Variants in JADE2 observed in about 807,000 individuals in gnomAD.
JADE2 encodes E3 ubiquitin-protein ligase Jade-2.
In JADE2, 13 loss-of-function variants were observed where a neutral mutation model predicts 85.7. The ratio of observed to expected loss-of-function variants is 0.15; its 90% CI spans 0.10 to 0.24. JADE2 has a LOEUF of 0.24. JADE2 is among the 10% of genes least tolerant of loss of function. The pLI is 1.00. For missense variants in JADE2, 846 were observed against 1,115.9 expected (o/e 0.76, Z 3.45); for synonymous variants, 440 against 456.1 (o/e 0.96, Z 0.45).
At chr5:134,564,639 C>A in intron 8 of JADE2, 29 bp downstream of exon 8, 1 of 1,432,790 alleles carries the variant, frequency 7.0e-7, no homozygotes, top group Non-Finnish European at 9.5e-7. Context: ...CTCCTGCTGC[C>A]AGGAGCTGGC....
chr5:134,566,707 C>A lies in JADE2; in HGVS notation c.1434+127C>A. 4 of 741,856 alleles carry A rather than the reference C, an allele frequency of 5.4e-6. No individual in the cohort carries two copies. The highest frequency in any genetic ancestry group is 8.6e-6 in the Non-Finnish European group (4 of 465,350). The allele number at this position is 741,856 out of a possible 1,614,324, so 46.0% of individuals were successfully genotyped here. A position where few individuals can be genotyped will look rare whatever the true frequency, so the allele number is the denominator to read the frequency against. The stretch of plus-strand genomic sequence containing the variant: ...AAACTGTGAGCTCTGGTGGACCGGC[C>A]CTGCTGCAGGAGCCTGCCAAGGGGC... On this transcript the variant is annotated intron_variant, in intron 9 of 11. Transcript: ENST00000681547. This position sits in a 1 kb window ranked among gnomAD's most constrained non-coding sequence, Gnocchi z 6.7.
Position 134,540,165 on chromosome 5 carries a change from G to A in JADE2, c.153+2082G>A, listed in dbSNP as rs925856359. Among the ~76,000 whole-genome samples, 8 of 152,186 alleles carry A rather than the reference G, an allele frequency of 5.3e-5. No individual in the cohort carries two copies. In the South Asian group the frequency reaches 6.2e-4, roughly 12 times the overall value. On this transcript the variant is annotated intron_variant, in intron 3 of 11. Coordinates refer to ENST00000681547, the MANE Select transcript of JADE2 (RefSeq NM_001388185.1). ...GAAGCAAAAGGCAGGTGGGGCCTTGGGGAGCCCTGCTGGCTCTTGGTTGTT... is the reference window on the plus strand; with the variant it reads ...GAAGCAAAAGGCAGGTGGGGCCTTGAGGAGCCCTGCTGGCTCTTGGTTGTT...
rs1764745095 is a variant in JADE2 at position 134,582,203 on chromosome 5, A to G, written c.*2886A>G. 1 of 152,282 alleles carries G rather than the reference A, an allele frequency of 6.6e-6. No homozygotes were observed. Among genetic ancestry groups the G allele is most frequent in the African/African-American group, 2.4e-5 (1 of 41,472 alleles). 9.4% of individuals were successfully genotyped at this position (152,282 alleles called of 1,614,324 possible). A position where few individuals can be genotyped will look rare whatever the true frequency, so the allele number is the denominator to read the frequency against. On this transcript the variant is annotated 3_prime_UTR_variant, in exon 12 of 12. Coordinates refer to ENST00000681547, the MANE Select transcript of JADE2 (RefSeq NM_001388185.1). ...TGCAAGAAAAGTATTTTTATGTATC[A>G]TAAATGTATTTTGAAACAAATGAGA...
intron 4 of JADE2, among the ~76,000 whole-genome samples, chr5:134,555,383 C>G (rs12652317): frequency 0.24 from 37,187 of 152,228 alleles, 4,976 homozygotes; most frequent in East Asian, 0.53. Context: ...GCCCTCCTCC[C>G]AGCTGACCTC....
Position 134,559,895 on chromosome 5 carries a change from G to T in JADE2, c.377G>T (p.Gly126Val). The T allele has an allele frequency of 1.2e-6, 2 of 1,613,994 alleles. No homozygotes were observed. The highest frequency in any genetic ancestry group is 2.2e-5 in the East Asian group (1 of 44,862). Reference sequence around the variant, plus strand: ...CCGAGCAGCACCATGCTTGGTGAGGGCTCCCAGCCTGATTGGCCAGGGGGC... The same window carrying T: ...CCGAGCAGCACCATGCTTGGTGAGGTCTCCCAGCCTGATTGGCCAGGGGGC... ...ASPSSTMLGE[G>V]SQPDWPGGSR... The change falls in exon 5 of 12, where the codon GGC becomes GTC. Residue 126 changes from glycine (G) to valine (V), a missense_variant. This residue lies in a region of JADE2 where 78 missense variants were observed against 64.9 expected (regional missense o/e 1.20). Coordinates refer to ENST00000681547, the MANE Select transcript of JADE2 (RefSeq NM_001388185.1).
intron 1 of JADE2, among the ~76,000 whole-genome samples, chr5:134,535,282 G>A (rs1254561802): frequency 6.6e-6 from 1 of 152,136 alleles, no homozygotes; most frequent in Non-Finnish European, 1.5e-5. Context: ...AGTCACCCTG[G>A]GCCTGATGTG....
chr5:134,550,371 A>G (rs1561740270), intron 3 of JADE2, among the ~76,000 whole-genome samples: 1 of 152,136 alleles, frequency 6.6e-6, no homozygotes, highest in East Asian at 1.9e-4. Flanking sequence ...GTGGTTTTGG[A>G]CCTAGATTCA....
At chr5:134,547,884 A>G (rs1428970775) in intron 3 of JADE2, among the ~76,000 whole-genome samples, 3 of 152,224 alleles carry the variant, frequency 2.0e-5, no homozygotes, top group Non-Finnish European at 1.5e-5. Context: ...AAGACATGGC[A>G]AAAAACCAGG....
At chr5:134,565,433 G>C (rs1027525174) in intron 8 of JADE2, among the ~76,000 whole-genome samples, 4 of 152,176 alleles carry the variant, frequency 2.6e-5, no homozygotes, top group Admixed American at 6.5e-5. Flanking sequence ...ACTAAGTCCA[G>C]CCCCTCTTCC....
intron 1 of JADE2, among the ~76,000 whole-genome samples, chr5:134,531,883 CTTTTTTTTTTTTTTT>C (rs1160758941): frequency 1.3e-4 from 5 of 38,484 alleles, no homozygotes; most frequent in East Asian, 2.2e-3. Context: ...CCGTGCCTGG[CTTTTTTTTTTTTTTT>C]TTTTTTTTTT....
In JADE2 at chr5:134,560,850, G is replaced by A. The variant is rs1433505932; in HGVS notation, c.577G>A (p.Gly193Ser). Residue 193 changes from glycine to serine, a missense_variant, in exon 6 of 12, where the codon GGC becomes AGC. Transcript: ENST00000681547. ...GGCCATTGAGACGCAGGAGGGGCTG[G>A]GCATCGAGTACGACGAGGATGTTGT... ...ARAIETQEGL[G>S]IEYDEDVVCD... 1 of 1,614,096 alleles carries A rather than the reference G, an allele frequency of 6.2e-7. No individual in the cohort carries two copies. The highest frequency in any genetic ancestry group is 1.3e-5 in the African/African-American group (1 of 74,932).
rs1764641929 is a variant in JADE2, at chr5:134,580,353, T to G, written c.*1036T>G. On this transcript the variant is annotated 3_prime_UTR_variant, in exon 12 of 12. Coordinates refer to ENST00000681547, the MANE Select transcript of JADE2 (RefSeq NM_001388185.1). ...TCCCGGGGCCCAGGGCGGGCCGGTG[T>G]TGGCCGCTGGGGCTGTTGTAAGTCT... The G allele has an allele frequency of 6.6e-6, 1 of 152,448 alleles. No homozygotes were observed. The highest frequency in any genetic ancestry group is 2.4e-5 in the African/African-American group (1 of 41,370). The allele number at this position is 152,448 out of a possible 1,614,324, so 9.4% of individuals were successfully genotyped here. A position where few individuals can be genotyped will look rare whatever the true frequency, so the allele number is the denominator to read the frequency against.
intron 7 of JADE2, among the ~76,000 whole-genome samples, chr5:134,563,346 G>A (rs964668665): frequency 2.0e-5 from 3 of 151,782 alleles, no homozygotes; most frequent in Non-Finnish European, 4.4e-5. Flanking sequence ...CAGGTGGTAA[G>A]CCTAATGGGA....
At chr5:134,540,673 C>T (rs1463628444) in intron 3 of JADE2, among the ~76,000 whole-genome samples, 3 of 152,154 alleles carry the variant, frequency 2.0e-5, no homozygotes, top group Non-Finnish European at 2.9e-5. Flanking sequence ...ACCTGTCTTT[C>T]GAGAATCCCA....
rs1229372372 is a variant in JADE2 at position 134,551,530 on chromosome 5, T to C, written c.154-522T>C. ...AGGTGTGAGCCACCTTGCCTGGCCC[T>C]TTTTTTTTTTTTTAATTTTTTAATT... is the stretch of plus-strand genomic sequence containing the variant. On this transcript the variant is annotated intron_variant, in intron 3 of 11. Coordinates refer to ENST00000681547, the MANE Select transcript of JADE2 (RefSeq NM_001388185.1). Among the ~76,000 whole-genome samples the C allele has an allele frequency of 6.6e-5, 9 of 136,234 alleles. No individual in the cohort carries two copies. The East Asian group carries it at 1.0e-3, about 15-fold the overall frequency. The allele number at this position is 136,234 out of a possible 152,430, so 89.4% of individuals were successfully genotyped here. A position where few individuals can be genotyped will look rare whatever the true frequency, so the allele number is the denominator to read the frequency against.
At chr5:134,569,778 G>A (rs1763880271) in intron 9 of JADE2, among the ~76,000 whole-genome samples, 1 of 152,140 alleles carries the variant, frequency 6.6e-6, no homozygotes, top group African/African-American at 2.4e-5. Flanking sequence ...CTGGATGGTG[G>A]TCCCTTTGGC....
chr5:134,526,360 G>A, intron 1 of JADE2: 1 of 985,136 alleles, frequency 1.0e-6, no homozygotes, highest in Non-Finnish European at 1.2e-6. Context: ...GCGGGCGGGC[G>A]GGGGCGCGCC....
rs1472837718 is a variant in JADE2 at position 134,582,871 on chromosome 5, A to G, written c.*3554A>G. The G allele has an allele frequency of 6.6e-6, 1 of 152,622 alleles. No homozygotes were observed. The highest frequency in any genetic ancestry group is 1.5e-5 in the Non-Finnish European group (1 of 68,052). 9.5% of individuals were successfully genotyped at this position (152,622 alleles called of 1,614,324 possible). A position where few individuals can be genotyped will look rare whatever the true frequency, so the allele number is the denominator to read the frequency against. ...TATTGAAAATATATTGAAAAGAGCAATTTTAAATTATTTTTGGCTTATGTT... is the reference window on the plus strand; with the variant it reads ...TATTGAAAATATATTGAAAAGAGCAGTTTTAAATTATTTTTGGCTTATGTT... On this transcript the variant is annotated 3_prime_UTR_variant, in exon 12 of 12. Coordinates refer to ENST00000681547, the MANE Select transcript of JADE2 (RefSeq NM_001388185.1).
rs1760777405 is a variant in JADE2 at position 134,525,898 on chromosome 5, C to G, written c.-114C>G. 15 of 985,874 alleles carry G rather than the reference C, an allele frequency of 1.5e-5. No homozygotes were observed. The highest frequency in any genetic ancestry group is 1.8e-5 in the Non-Finnish European group (15 of 830,416). 61.1% of individuals were successfully genotyped at this position (985,874 alleles called of 1,614,324 possible). Reference sequence around the variant, plus strand: ...ACCCCGGATGGATGCGCGCCCCCCGCCCTCCCGCGCCGGCCCCAGGAGCTC... The same window carrying G: ...ACCCCGGATGGATGCGCGCCCCCCGGCCTCCCGCGCCGGCCCCAGGAGCTC... On this transcript the variant is annotated 5_prime_UTR_variant, in exon 1 of 12. Coordinates refer to ENST00000681547, the MANE Select transcript of JADE2 (RefSeq NM_001388185.1).
Sources: allele counts gnomAD v4.1 joint callset (sites outside exome capture counted in the v4.1 genomes callset), GRCh38; gene constraint gnomAD v4.1.1; regional missense constraint gnomAD v4.1.1; non-coding constraint Gnocchi (gnomAD v3.1); transcripts MANE v1.5; gene names NCBI Gene and HGNC (gene_info 2026-07-23, HGNC 2026-07-21).